Variants in GRID2 observed in about 807,000 individuals in gnomAD.
The protein encoded by GRID2 is glutamate receptor ionotropic, delta-2.
A neutral mutation model predicts 114.8 loss-of-function variants in GRID2; 33 were observed. The observed-to-expected ratio is 0.29, with a 90% confidence interval of 0.22 to 0.38. GRID2 has a LOEUF of 0.38. GRID2 is among the 10% of genes least tolerant of loss of function. The pLI, the probability that GRID2 is intolerant of heterozygous loss-of-function variation, is 1.00. For missense variants in GRID2, 1,184 were observed against 1,257.7 expected (o/e 0.94, Z 0.89); for synonymous variants, 505 against 449.9 (o/e 1.12, Z -1.55).
intron 1 of GRID2, among the ~76,000 whole-genome samples, chr4:92,453,640 G>A (rs953255939): frequency 6.6e-6 from 1 of 151,970 alleles, no homozygotes; most frequent in African/African-American, 2.4e-5. Context: ...TATATTAGAG[G>A]ACATAAAAAG....
intron 13 of GRID2, among the ~76,000 whole-genome samples, chr4:93,520,940 C>T (rs1399596236): frequency 1.3e-5 from 2 of 151,968 alleles, no homozygotes; most frequent in African/African-American, 2.4e-5. Flanking sequence ...AGGGTGGGAG[C>T]GGGGAGCTTA....
At chr4:92,422,793 A>C (rs1731968704) in intron 1 of GRID2, among the ~76,000 whole-genome samples, 1 of 152,182 alleles carries the variant, frequency 6.6e-6, no homozygotes, top group Non-Finnish European at 1.5e-5. Context: ...CTAATTTGTT[A>C]GTCCCGCAAA....
chr4:93,263,587 T>C (rs1579470223), intron 8 of GRID2, among the ~76,000 whole-genome samples: 1 of 152,264 alleles, frequency 6.6e-6, no homozygotes, highest in East Asian at 1.9e-4. Flanking sequence ...TAGTATATTA[T>C]ATTTGAATTA....
chr4:93,203,249 C>A (rs1742300531), intron 4 of GRID2, among the ~76,000 whole-genome samples: 2 of 152,036 alleles, frequency 1.3e-5, no homozygotes, highest in Non-Finnish European at 2.9e-5. Flanking sequence ...GAAATTATAA[C>A]CCTTGTTTAG....
intron 2 of GRID2, among the ~76,000 whole-genome samples, chr4:92,665,858 T>G (rs1732748529): frequency 6.6e-6 from 1 of 151,416 alleles, no homozygotes; most frequent in Admixed American, 6.6e-5. Context: ...TTTATTTGCC[T>G]TTGGCTTCCC....
intron 3 of GRID2, among the ~76,000 whole-genome samples, chr4:93,102,981 T>C (rs1731844678): frequency 1.3e-5 from 2 of 151,980 alleles, no homozygotes; most frequent in African/African-American, 2.4e-5. Context: ...ACAGTAACTT[T>C]TGACTTGATA....
At chr4:92,406,121 G>C (rs1384077371) in intron 1 of GRID2, among the ~76,000 whole-genome samples, 2 of 152,096 alleles carry the variant, frequency 1.3e-5, no homozygotes, top group Non-Finnish European at 2.9e-5. Flanking sequence ...GTGCACACCT[G>C]ATTAAGGGTG....
intron 2 of GRID2, among the ~76,000 whole-genome samples, chr4:92,920,555 T>C (rs1316623056): frequency 6.6e-6 from 1 of 152,192 alleles, no homozygotes; most frequent in Non-Finnish European, 1.5e-5. Context: ...GTTGACAAAA[T>C]CTCTCAGCAT....
At chr4:92,447,358 A>T (rs1261368752) in intron 1 of GRID2, among the ~76,000 whole-genome samples, 1 of 152,184 alleles carries the variant, frequency 6.6e-6, no homozygotes, top group Non-Finnish European at 1.5e-5. Flanking sequence ...TCCCAAGGCA[A>T]ACTATTGGCA....
At chr4:93,332,271 T>TGC (rs1560508619) in intron 8 of GRID2, among the ~76,000 whole-genome samples, 7 of 125,400 alleles carry the variant, frequency 5.6e-5, no homozygotes, top group Non-Finnish European at 4.9e-5. Context: ...TGTGTGCGTG[T>TGC]GTGTGTGTGT....
At chr4:93,712,457 C>A (rs1728566972) in intron 14 of GRID2, among the ~76,000 whole-genome samples, 1 of 152,084 alleles carries the variant, frequency 6.6e-6, no homozygotes, top group Admixed American at 6.6e-5. Context: ...TGAGTTATAT[C>A]CCACTTTTAT....
intron 13 of GRID2, among the ~76,000 whole-genome samples, chr4:93,576,016 A>G (rs1350804623): frequency 6.6e-6 from 1 of 152,176 alleles, no homozygotes; most frequent in Non-Finnish European, 1.5e-5. Context: ...ACATTTTAAA[A>G]TAGTTATGCT....
At chr4:92,782,854 T>C (rs1739148762) in intron 2 of GRID2, among the ~76,000 whole-genome samples, 1 of 152,056 alleles carries the variant, frequency 6.6e-6, no homozygotes, top group Non-Finnish European at 1.5e-5. Context: ...GTTGGATTAG[T>C]ACTAAAAGAG....
chr4:93,750,074 T>G (rs1732181702), intron 14 of GRID2, among the ~76,000 whole-genome samples: 1 of 152,214 alleles, frequency 6.6e-6, no homozygotes, highest in Non-Finnish European at 1.5e-5. Flanking sequence ...TGCTTTTTAT[T>G]CAGCAAATTG....
chr4:93,593,318 T>C (rs1301647215), intron 13 of GRID2, among the ~76,000 whole-genome samples: 1 of 141,842 alleles, frequency 7.1e-6, no homozygotes, highest in African/African-American at 2.6e-5. Flanking sequence ...TTATGAAGCT[T>C]AGTTTGGCTG....
chr4:92,351,977 A>G (rs551639038), intron 1 of GRID2, among the ~76,000 whole-genome samples: 15 of 152,010 alleles, frequency 9.9e-5, no homozygotes, highest in Non-Finnish European at 1.6e-4. Flanking sequence ...GGGGGCAGAT[A>G]TCATTTCGAT....
chr4:93,114,469 AT>A (rs1265346659), intron 4 of GRID2, among the ~76,000 whole-genome samples: 1 of 151,914 alleles, frequency 6.6e-6, no homozygotes, highest in Non-Finnish European at 1.5e-5. Flanking sequence ...CTCATCCACC[AT>A]TTTTTTAAGT....
At chr4:93,412,536 T>C (rs1264626777) in intron 9 of GRID2, among the ~76,000 whole-genome samples, 1 of 152,230 alleles carries the variant, frequency 6.6e-6, no homozygotes, top group Non-Finnish European at 1.5e-5. Context: ...TGTACAATTA[T>C]TAGATGAGAT....
chr4:92,827,087 C>T (rs1366803910), intron 2 of GRID2, among the ~76,000 whole-genome samples: 2 of 152,004 alleles, frequency 1.3e-5, no homozygotes, highest in South Asian at 2.1e-4. Flanking sequence ...GGGCCTTCCT[C>T]ATATTTCAAT....
Sources: gnomAD v4.1 joint callset for allele counts (sites outside exome capture counted in the v4.1 genomes callset) on GRCh38, gnomAD v4.1.1 for gene constraint, MANE v1.5 for transcripts, NCBI Gene and HGNC (gene_info 2026-07-23, HGNC 2026-07-21) for gene names.